The following CPHXL2 variants were observed in gnomAD, a reference collection of about 807,000 sequenced individuals.
CPHXL2 encodes cytoplasmic polyadenylated homeobox like 2, also known as cytoplasmic polyadenylated homeobox-like protein 2.
At chr16:75,664,639 A>AAAG in the CPHXL2 span, among the ~76,000 whole-genome samples, 3 of 150,942 alleles carry the variant, frequency 2.0e-5, no homozygotes, top group African/African-American at 7.3e-5. Flanking sequence ...AAAAAAAAAA[A>AAAG]AAAGAAAGAA....
the CPHXL2 span, among the ~76,000 whole-genome samples, chr16:75,662,319 CCTTTTT>C: frequency 6.6e-6 from 1 of 150,946 alleles, no homozygotes; most frequent in Admixed American, 6.6e-5. Flanking sequence ...TTTTTTTTTC[CCTTTTT>C]CTTTCTTTTC....
chr16:75,664,090 T>C, the CPHXL2 span, among the ~76,000 whole-genome samples: 1 of 152,212 alleles, frequency 6.6e-6, no homozygotes, highest in Non-Finnish European at 1.5e-5. Flanking sequence ...TCTCTGAATC[T>C]GCCTATGACT....
chr16:75,666,812 A>T, the CPHXL2 span, among the ~76,000 whole-genome samples: 147 of 152,314 alleles, frequency 9.7e-4, no homozygotes, highest in Middle Eastern at 3.4e-3. Context: ...TTTCTCCAAG[A>T]TAGACCATAT....
chr16:75,675,165 G>A, the CPHXL2 span, among the ~76,000 whole-genome samples: 95 of 150,404 alleles, frequency 6.3e-4, no homozygotes, highest in African/African-American at 2.2e-3. Flanking sequence ...CTCCAGGCTG[G>A]GTGACAGAGT....
chr16:75,661,921 G>C, the CPHXL2 span, among the ~76,000 whole-genome samples: 12 of 152,182 alleles, frequency 7.9e-5, no homozygotes, highest in Admixed American at 5.2e-4. Context: ...CAAGCAATCA[G>C]TTCTGCAGTG....
the CPHXL2 span, chr16:75,669,369 C>T: frequency 2.5e-6 from 1 of 400,182 alleles, no homozygotes; most frequent in Non-Finnish European, 4.4e-6. Context: ...TTACGTTTAT[C>T]ACGTTAACCG....
the CPHXL2 span, among the ~76,000 whole-genome samples, chr16:75,661,944 G>A: frequency 6.6e-6 from 1 of 152,182 alleles, no homozygotes; most frequent in East Asian, 1.9e-4. Flanking sequence ...CACCAGCTGG[G>A]TGTCCTCCAA....
At chr16:75,674,132 G>C in the CPHXL2 span, among the ~76,000 whole-genome samples, 2 of 151,426 alleles carry the variant, frequency 1.3e-5, no homozygotes, top group Non-Finnish European at 2.9e-5. Context: ...CCAGCACTTT[G>C]GGAGGCCAAG....
At chr16:75,669,353 T>C in the CPHXL2 span, 1 of 400,148 alleles carries the variant, frequency 2.5e-6, no homozygotes, top group East Asian at 3.6e-5. Flanking sequence ...GCATACGAGG[T>C]TGAACTTACG....
chr16:75,662,068 C>T, the CPHXL2 span, among the ~76,000 whole-genome samples: 1 of 152,220 alleles, frequency 6.6e-6, no homozygotes, highest in Non-Finnish European at 1.5e-5. Context: ...GCTTTTATAA[C>T]TTTTGACTGA....
the CPHXL2 span, among the ~76,000 whole-genome samples, chr16:75,665,361 A>C: frequency 6.6e-6 from 1 of 152,220 alleles, no homozygotes. Flanking sequence ...ATTATCAGCC[A>C]AGAATTTTGT....
chr16:75,671,317 G>A, the CPHXL2 span, among the ~76,000 whole-genome samples: 5 of 142,482 alleles, frequency 3.5e-5, no homozygotes, highest in Admixed American at 1.5e-4. Flanking sequence ...AGGAGAGATC[G>A]CTACACTCTA....
At chr16:75,662,270 C>A in the CPHXL2 span, among the ~76,000 whole-genome samples, 1 of 151,836 alleles carries the variant, frequency 6.6e-6, no homozygotes, top group Non-Finnish European at 1.5e-5. Flanking sequence ...CCAGGAACTT[C>A]CACATGTTCA....
the CPHXL2 span, among the ~76,000 whole-genome samples, chr16:75,668,457 G>A: frequency 4.6e-5 from 7 of 152,088 alleles, no homozygotes; most frequent in Admixed American, 3.9e-4. Flanking sequence ...TCAAACTCCT[G>A]ACCTCGTGAT....
At chr16:75,670,723 T>C in the CPHXL2 span, among the ~76,000 whole-genome samples, 1 of 152,102 alleles carries the variant, frequency 6.6e-6, no homozygotes, top group Non-Finnish European at 1.5e-5. Flanking sequence ...TCTCCAACTC[T>C]TGAGCTCAAG....
At chr16:75,661,042 C>G in the CPHXL2 span, 4 of 400,724 alleles carry the variant, frequency 1.0e-5, no homozygotes. Context: ...CTCTGTTTCT[C>G]CAGAAGGGAG....
At chr16:75,670,245 A>G in the CPHXL2 span, among the ~76,000 whole-genome samples, 2 of 152,122 alleles carry the variant, frequency 1.3e-5, no homozygotes, top group Non-Finnish European at 2.9e-5. Context: ...AACTAATTGC[A>G]GAAGAATATT....
chr16:75,669,669 G>A, the CPHXL2 span: 1 of 396,228 alleles, frequency 2.5e-6, no homozygotes, highest in East Asian at 3.6e-5. Context: ...AAATCCAGGC[G>A]TGACCTCATA....
the CPHXL2 span, among the ~76,000 whole-genome samples, chr16:75,668,260 G>T: frequency 1.7e-3 from 236 of 135,770 alleles, no homozygotes; most frequent in African/African-American, 6.4e-3. Flanking sequence ...ACAGAGCCTC[G>T]CTCTGTCACC....
Sources: allele counts gnomAD v4.1 joint callset (sites outside exome capture counted in the v4.1 genomes callset), GRCh38; gene constraint gnomAD v4.1.1; transcripts MANE v1.5; gene names NCBI Gene and HGNC (gene_info 2026-07-23, HGNC 2026-07-21).